The following FUT9 variants were observed in gnomAD, a reference collection of about 807,000 sequenced individuals.
FUT9 encodes 4-galactosyl-N-acetylglucosaminide 3-alpha-L-fucosyltransferase 9.
Under a neutral mutation model 29.7 loss-of-function variants are expected in FUT9, and 15 were observed. The observed-to-expected ratio is 0.51, with a 90% CI of 0.34 to 0.78. FUT9 has a LOEUF of 0.78. Ranked by LOEUF, FUT9 falls within the 30% of genes least tolerant of loss-of-function variation. FUT9 has a pLI of 0.01. For synonymous variants in FUT9, 169 were observed against 153.7 expected, an observed-to-expected ratio of 1.10 and a Z score of -0.74; for missense variants, 319 against 425.4, an observed-to-expected ratio of 0.75 and a Z score of 2.20.
intron 1 of FUT9, among the ~76,000 whole-genome samples, chr6:96,033,629 A>G (rs1489283229): frequency 1.3e-5 from 2 of 151,734 alleles, no homozygotes; most frequent in Non-Finnish European, 3.0e-5. Context: ...TTTTATTGAC[A>G]TAGACCAGTT....
At chr6:96,145,272 A>ATGG (rs1772544884) in intron 2 of FUT9, among the ~76,000 whole-genome samples, 1 of 151,998 alleles carries the variant, frequency 6.6e-6, no homozygotes, top group African/African-American at 2.4e-5. Context: ...GTTAGCTAGG[A>ATGG]TGGTCTCGAT....
chr6:96,153,490 T>C (rs1397909926), intron 2 of FUT9, among the ~76,000 whole-genome samples: 1 of 152,208 alleles, frequency 6.6e-6, no homozygotes, highest in African/African-American at 2.4e-5. Flanking sequence ...ACAAATACTT[T>C]TCAGGTCTCT....
intron 2 of FUT9, among the ~76,000 whole-genome samples, chr6:96,117,975 G>A (rs1471580611): frequency 6.6e-6 from 1 of 152,068 alleles, no homozygotes; most frequent in Non-Finnish European, 1.5e-5. Context: ...GGAGGCTCAG[G>A]CAAGCAAATC....
intron 2 of FUT9, among the ~76,000 whole-genome samples, chr6:96,178,521 T>C (rs933194902): frequency 2.6e-5 from 4 of 152,102 alleles, no homozygotes; most frequent in Non-Finnish European, 5.9e-5. Context: ...CAGAGAAAAA[T>C]TGTCTTTTGA....
intron 2 of FUT9, among the ~76,000 whole-genome samples, chr6:96,115,031 G>C (rs979641603): frequency 1.1e-4 from 17 of 152,154 alleles, no homozygotes; most frequent in African/African-American, 3.9e-4. Flanking sequence ...GCTCCTGTCT[G>C]AGAATATAAA....
chr6:96,056,566 A>C (rs1368358302), intron 1 of FUT9, among the ~76,000 whole-genome samples: 1 of 152,168 alleles, frequency 6.6e-6, no homozygotes, highest in Non-Finnish European at 1.5e-5. Flanking sequence ...ATCTCAATAT[A>C]AGCAAATATA....
chr6:96,133,315 C>T (rs1370835757), intron 2 of FUT9, among the ~76,000 whole-genome samples: 1 of 151,952 alleles, frequency 6.6e-6, no homozygotes, highest in Non-Finnish European at 1.5e-5. Context: ...CCAGAAGCCA[C>T]TTCTGTGGTG....
intron 2 of FUT9, among the ~76,000 whole-genome samples, chr6:96,159,359 C>T (rs905643652): frequency 6.9e-6 from 1 of 145,826 alleles, no homozygotes; most frequent in African/African-American, 2.4e-5. Context: ...TTAAGTTGAG[C>T]CAAAGAACAA....
At chr6:96,191,375 G>A (rs1037221370) in intron 2 of FUT9, among the ~76,000 whole-genome samples, 58 of 152,050 alleles carry the variant, frequency 3.8e-4, no homozygotes, top group Admixed American at 3.1e-3. Context: ...TCAAATAGAC[G>A]CAATAAAAAA....
At chr6:96,074,963 T>G (rs1771120443) in intron 1 of FUT9, among the ~76,000 whole-genome samples, 1 of 151,934 alleles carries the variant, frequency 6.6e-6, no homozygotes, top group Admixed American at 6.6e-5. Context: ...TTTAATTCTT[T>G]GTAGAGACAG....
chr6:96,114,806 T>C (rs1270416401), intron 2 of FUT9, among the ~76,000 whole-genome samples: 1 of 152,164 alleles, frequency 6.6e-6, no homozygotes, highest in African/African-American at 2.4e-5. Flanking sequence ...GTGTTACTCA[T>C]GTCAATGAGA....
intron 2 of FUT9, among the ~76,000 whole-genome samples, chr6:96,163,558 TAACC>T (rs1166239805): frequency 6.6e-6 from 1 of 152,194 alleles, no homozygotes; most frequent in Non-Finnish European, 1.5e-5. Context: ...CACCAACCTG[TAACC>T]AATACAGCTG....
At chr6:96,116,741 A>G (rs563645314) in intron 2 of FUT9, among the ~76,000 whole-genome samples, 2 of 152,294 alleles carry the variant, frequency 1.3e-5, no homozygotes, top group African/African-American at 4.8e-5. Flanking sequence ...GAAAAAGCCA[A>G]AACATAGAGA....
chr6:96,093,908 A>C lies in FUT9; in HGVS notation c.-97-20131A>C, dbSNP rs534152420. Reference sequence around the variant, plus strand: ...AGGTTATACAGCAGCAGAGTCAAAAATAAAATCCACATCTGTATGACTACT... The same window carrying C: ...AGGTTATACAGCAGCAGAGTCAAAACTAAAATCCACATCTGTATGACTACT... On this transcript the variant is annotated intron_variant, in intron 1 of 2. Transcript: ENST00000302103. Among the ~76,000 whole-genome samples, 3 of 152,292 alleles carry C rather than the reference A, an allele frequency of 2.0e-5. No individual in the cohort carries two copies. The South Asian group carries it at 6.2e-4, about 32-fold the overall frequency.
In FUT9 at chr6:96,210,865, T is replaced by C. The variant is rs1334573292; in HGVS notation, c.*6630T>C. ...AATCCAAGGTCTGCCATTCACTAGCTATGTGCAAGTTACTCAACTTCTCTT... is the reference window on the plus strand; with the variant it reads ...AATCCAAGGTCTGCCATTCACTAGCCATGTGCAAGTTACTCAACTTCTCTT... On this transcript the variant is annotated 3_prime_UTR_variant, in exon 3 of 3. Transcript: ENST00000302103. 1.2e-5 allele frequency: 2 copies of C among 166,808 alleles called. No homozygotes were observed. Among genetic ancestry groups the C allele is most frequent in the Non-Finnish European group, 2.9e-5 (2 of 68,038 alleles). The allele number at this position is 166,808 out of a possible 1,614,324, so 10.3% of individuals were successfully genotyped here.
At chr6:96,026,776 T>C (rs182028335) in intron 1 of FUT9, among the ~76,000 whole-genome samples, 1 of 151,808 alleles carries the variant, frequency 6.6e-6, no homozygotes, top group East Asian at 1.9e-4. Flanking sequence ...ATTAACACAA[T>C]GGCAGGTTTA....
rs949116706 is a variant in FUT9, at chr6:96,204,594, A to G, written c.*359A>G. On this transcript the variant is annotated 3_prime_UTR_variant, in exon 3 of 3. Transcript: ENST00000302103. ...TAATCTATTTGGGAAATGAAGATGC[A>G]CATCTTAAAGTATGAAAAATTTTCA... The G allele has an allele frequency of 5.8e-6, 1 of 171,830 alleles. No individual in the cohort carries two copies. The highest frequency in any genetic ancestry group is 1.4e-5 in the Non-Finnish European group (1 of 71,572). 10.6% of individuals were successfully genotyped at this position (171,830 alleles called of 1,614,324 possible). A position where few individuals can be genotyped will look rare whatever the true frequency, so the allele number is the denominator to read the frequency against.
chr6:96,165,374 T>G (rs559345796), intron 2 of FUT9, among the ~76,000 whole-genome samples: 12 of 151,356 alleles, frequency 7.9e-5, no homozygotes, highest in African/African-American at 2.7e-4. Flanking sequence ...GAAGTTGCAG[T>G]GAGCCAAGAT....
chr6:96,146,324 T>A lies in FUT9; in HGVS notation c.-9+32197T>A, dbSNP rs141194517. Among the ~76,000 whole-genome samples the A allele has an allele frequency of 3.4e-3, 522 of 152,350 alleles. 19 individuals are homozygous for A. The highest frequency in any genetic ancestry group is 0.03 in the Admixed American group (459 of 15,298). ...GGGCTGCAGATAGCTGAAGAACATTTCTATCTACTTTATAATTTAGTACAC... is the reference window on the plus strand; with the variant it reads ...GGGCTGCAGATAGCTGAAGAACATTACTATCTACTTTATAATTTAGTACAC... On this transcript the variant is annotated intron_variant, in intron 2 of 2. Transcript: ENST00000302103.
Sources: gnomAD v4.1 joint callset for allele counts (sites outside exome capture counted in the v4.1 genomes callset) on GRCh38, gnomAD v4.1.1 for gene constraint, MANE v1.5 for transcripts, NCBI Gene and HGNC (gene_info 2026-07-23, HGNC 2026-07-21) for gene names.